KALRN: variants seen among roughly 807,000 people sequenced by gnomAD.
KALRN encodes kalirin.
In KALRN, 70 loss-of-function variants were observed where a neutral mutation model predicts 353.7. The observed-to-expected ratio is 0.20, with a 90% CI of 0.16 to 0.24. KALRN has a LOEUF of 0.24. Ranked by LOEUF, KALRN falls within the 10% of genes least tolerant of loss-of-function variation. KALRN has a pLI of 1.00. For synonymous variants in KALRN, 1,391 were observed against 1,434.8 expected (o/e 0.97, Z 0.69); for missense variants, 2,791 against 3,756.7 (o/e 0.74, Z 6.72).
intron 1 of KALRN, among the ~76,000 whole-genome samples, chr3:124,070,285 A>G (rs2059953460): frequency 6.6e-6 from 1 of 152,170 alleles, no homozygotes. Context: ...TGCTCTGAGT[A>G]CCAAGCTCAA....
At chr3:124,069,399 T>G (rs1189658409) in intron 1 of KALRN, among the ~76,000 whole-genome samples, 1 of 148,234 alleles carries the variant, frequency 6.7e-6, no homozygotes, top group African/African-American at 2.6e-5. Context: ...GGTTAAGATG[T>G]CTGAGAGACT....
chr3:124,259,264 G>A (rs1357288192), intron 3 of KALRN, among the ~76,000 whole-genome samples: 1 of 152,230 alleles, frequency 6.6e-6, no homozygotes, highest in Admixed American at 6.5e-5. Context: ...TAGCCCTGGT[G>A]TGGGAGTATA....
intron 59 of KALRN, among the ~76,000 whole-genome samples, chr3:124,718,462 A>G (rs955639333): frequency 6.6e-6 from 1 of 152,142 alleles, no homozygotes; most frequent in Non-Finnish European, 1.5e-5. Context: ...CTGTCACACA[A>G]TTTAAGTGTA....
At chr3:124,507,103 T>C (rs1259075788) in intron 33 of KALRN, among the ~76,000 whole-genome samples, 4 of 152,176 alleles carry the variant, frequency 2.6e-5, no homozygotes, top group Admixed American at 1.3e-4. Context: ...AAAATTCTTC[T>C]TGAAAAAGGA....
intron 33 of KALRN, among the ~76,000 whole-genome samples, chr3:124,558,236 C>G (rs572212274): frequency 6.6e-6 from 1 of 152,288 alleles, no homozygotes; most frequent in African/African-American, 2.4e-5. Flanking sequence ...CTTCTGTACT[C>G]CTTTCCTCCC....
chr3:124,559,745 A>T (rs113857640), intron 33 of KALRN, among the ~76,000 whole-genome samples: 2,815 of 152,120 alleles, frequency 0.019, 41 homozygotes, highest in Non-Finnish European at 0.032. Flanking sequence ...GCTCTGCCTG[A>T]CCCCTCAAAC....
chr3:124,596,185 G>GAA (rs5852417), intron 34 of KALRN, among the ~76,000 whole-genome samples: 113 of 136,152 alleles, frequency 8.3e-4, no homozygotes, highest in Middle Eastern at 4.0e-3. Context: ...CCATCTTAAA[G>GAA]AAAAAAAAAA....
intron 50 of KALRN, chr3:124,678,520 C>CT: frequency 2.1e-6 from 1 of 482,030 alleles, no homozygotes; most frequent in Non-Finnish European, 3.7e-6. Flanking sequence ...CAAGTAAGTA[C>CT]CTTTTTTTTC....
intron 1 of KALRN, among the ~76,000 whole-genome samples, chr3:124,121,866 C>G (rs1225257564): frequency 2.6e-5 from 4 of 152,174 alleles, no homozygotes; most frequent in African/African-American, 9.7e-5. Flanking sequence ...ACAGGCAGAC[C>G]TGTTAGCAGA....
chr3:124,717,685 G>A (rs1321393842), intron 59 of KALRN, among the ~76,000 whole-genome samples: 1 of 151,410 alleles, frequency 6.6e-6, no homozygotes, highest in South Asian at 2.1e-4. Flanking sequence ...GACAGAGCGA[G>A]ACTCCCTTCA....
At chr3:124,639,110 G>A (rs1328286977) in intron 37 of KALRN, among the ~76,000 whole-genome samples, 2 of 152,126 alleles carry the variant, frequency 1.3e-5, no homozygotes, top group African/African-American at 4.8e-5. Context: ...TGTTTTCTTT[G>A]CTATCCTCGA....
At chr3:124,518,268 T>C in intron 33 of KALRN, 1 of 789,468 alleles carries the variant, frequency 1.3e-6, no homozygotes, top group Non-Finnish European at 2.2e-6. Context: ...GGTTGCACTC[T>C]GCACTGGGTT....
intron 17 of KALRN, 107 bp from the exon 18 acceptor site, chr3:124,438,781 C>T: frequency 1.0e-6 from 1 of 966,148 alleles, no homozygotes; most frequent in East Asian, 2.7e-5. Context: ...AGGCATTAAA[C>T]TTCTAATGAA....
At chr3:124,333,050 C>A (rs2080763426) in intron 8 of KALRN, among the ~76,000 whole-genome samples, 1 of 152,072 alleles carries the variant, frequency 6.6e-6, no homozygotes, top group South Asian at 2.1e-4. Flanking sequence ...GGAGGAGGAG[C>A]AAAGTCATGT....
At position 124,146,398 on chromosome 3, in the gene KALRN, T is replaced by C. The variant is rs112906720; in HGVS notation, c.74-81592T>C. ...AAAATTGTACTTTGCTGGTAATTCA[T>C]TTTCATTATAGTTTACTAAAGTACT... On this transcript the variant is annotated intron_variant, in intron 1 of 59. Coordinates refer to ENST00000682506, the MANE Select transcript of KALRN (RefSeq NM_001388419.1). Among the ~76,000 whole-genome samples the C allele has an allele frequency of 5.5e-3, 833 of 152,332 alleles. 11 individuals are homozygous for C. The highest frequency in any genetic ancestry group is 0.019 in the African/African-American group (794 of 41,568).
chr3:124,411,918 C>G (rs2150247855), intron 13 of KALRN, among the ~76,000 whole-genome samples: 1 of 152,192 alleles, frequency 6.6e-6, no homozygotes, highest in Non-Finnish European at 1.5e-5. Flanking sequence ...ACTGGGTTTT[C>G]CTGCTGAGCT....
At chr3:124,587,475 G>T (rs2075311379) in intron 34 of KALRN, among the ~76,000 whole-genome samples, 1 of 152,142 alleles carries the variant, frequency 6.6e-6, no homozygotes, top group African/African-American at 2.4e-5. Flanking sequence ...GGCTATTTTT[G>T]ACTTGAAGCT....
At chr3:124,522,704 T>TTTCTAACAA in intron 33 of KALRN, among the ~76,000 whole-genome samples, 1 of 152,292 alleles carries the variant, frequency 6.6e-6, no homozygotes, top group South Asian at 2.1e-4. Context: ...AATTCCCAGG[T>TTTCTAACAA]AATGCTGGTG....
At chr3:124,166,031 T>A (rs1381283101) in intron 1 of KALRN, among the ~76,000 whole-genome samples, 3 of 152,096 alleles carry the variant, frequency 2.0e-5, no homozygotes, top group South Asian at 2.1e-4. Flanking sequence ...CTTCCCCCGC[T>A]CATCCTCCCA....
Sources: gnomAD v4.1 joint callset for allele counts (sites outside exome capture counted in the v4.1 genomes callset) on GRCh38, gnomAD v4.1.1 for gene constraint, MANE v1.5 for transcripts, NCBI Gene and HGNC (gene_info 2026-07-23, HGNC 2026-07-21) for gene names.